Variants in TENT2 observed in about 807,000 individuals in gnomAD.
TENT2 encodes the protein poly(A) RNA polymerase GLD2.
TENT2 carries 44 observed loss-of-function variants against 72.2 expected under a neutral mutation model. That is an observed-to-expected ratio of 0.61 (90% CI 0.48 to 0.78). The LOEUF is 0.78. TENT2 is among the 30% of genes least tolerant of loss of function. The pLI, the probability that TENT2 is intolerant of heterozygous loss-of-function variation, is 0.00. For synonymous variants in TENT2, 212 were observed against 192.5 expected, an observed-to-expected ratio of 1.10 and a Z score of -0.84; for missense variants, 541 against 569.6, an observed-to-expected ratio of 0.95 and a Z score of 0.51.
At chr5:79,665,409 TGA>T (rs1448156394) in intron 11 of TENT2, among the ~76,000 whole-genome samples, 20 of 152,158 alleles carry the variant, frequency 1.3e-4, no homozygotes, top group African/African-American at 4.8e-4. Flanking sequence ...TTTCAGACTT[TGA>T]AGGTAACGTA....
At chr5:79,646,262 T>A (rs1275211503) in intron 8 of TENT2, among the ~76,000 whole-genome samples, 2 of 152,162 alleles carry the variant, frequency 1.3e-5, no homozygotes, top group Non-Finnish European at 2.9e-5. Flanking sequence ...TGAGTTATAG[T>A]ACTCTTGGCC....
At chr5:79,625,163 T>C (rs1307292733) in intron 4 of TENT2, among the ~76,000 whole-genome samples, 1 of 152,240 alleles carries the variant, frequency 6.6e-6, no homozygotes, top group Non-Finnish European at 1.5e-5. Flanking sequence ...ATATTGAGCA[T>C]CTTTTCATTT....
chr5:79,645,042 C>T lies in TENT2; in HGVS notation c.752-81C>T, dbSNP rs185892630. The T allele has an allele frequency of 3.1e-3, 3,386 of 1,092,352 alleles. 11 individuals carry two copies. The highest frequency in any genetic ancestry group is 3.9e-3 in the Non-Finnish European group (3,039 of 778,392). The allele number at this position is 1,092,352 out of a possible 1,614,324, so 67.7% of individuals were successfully genotyped here. ...TTAAATTATTTTAGCTTAGTAAATA[C>T]TATTTTTTAAAAAATGTGCGTTGGA... On this transcript the variant is annotated intron_variant, in intron 7 of 14. Transcript: ENST00000453514.
intron 4 of TENT2, among the ~76,000 whole-genome samples, chr5:79,624,372 T>G (rs1383078745): frequency 1.3e-5 from 2 of 152,244 alleles, no homozygotes; most frequent in Admixed American, 1.3e-4. Context: ...GCTTCATTCC[T>G]TAGTTGTGCT....
chr5:79,681,150 A>ATTTTT (rs1158559796), intron 13 of TENT2, among the ~76,000 whole-genome samples: 5 of 44,754 alleles, frequency 1.1e-4, no homozygotes, highest in Non-Finnish European at 1.7e-4. Context: ...CTTTTCTTTG[A>ATTTTT]TTTTTTTTTT....
chr5:79,613,166 A>G (rs978736995), intron 1 of TENT2, 91 bp downstream of exon 1: 1 of 152,220 alleles, frequency 6.6e-6, no homozygotes, highest in African/African-American at 2.4e-5. Context: ...TTTTCACTTT[A>G]TAGGAAAATG....
chr5:79,616,456 A>G (rs1283465559), intron 1 of TENT2, among the ~76,000 whole-genome samples: 2 of 151,376 alleles, frequency 1.3e-5, no homozygotes, highest in South Asian at 2.1e-4. Flanking sequence ...CGGCCTCCCA[A>G]AGTGCTGGGA....
At chr5:79,638,194 T>C (rs1404739665) in intron 4 of TENT2, among the ~76,000 whole-genome samples, 1 of 152,202 alleles carries the variant, frequency 6.6e-6, no homozygotes, top group Non-Finnish European at 1.5e-5. Context: ...TTTTACCCTC[T>C]GTACTATTGG....
intron 13 of TENT2, among the ~76,000 whole-genome samples, chr5:79,681,117 C>A (rs1163343265): frequency 1.6e-5 from 2 of 126,944 alleles, no homozygotes; most frequent in Non-Finnish European, 3.4e-5. Flanking sequence ...TGCCAAATTT[C>A]TCATGCAAGT....
At chr5:79,616,152 G>T (rs142612244) in intron 1 of TENT2, among the ~76,000 whole-genome samples, 1 of 144,372 alleles carries the variant, frequency 6.9e-6, no homozygotes, top group African/African-American at 2.6e-5. Context: ...CTCCCAGAGT[G>T]TTGGGATTAT....
intron 10 of TENT2, among the ~76,000 whole-genome samples, chr5:79,652,361 C>T (rs1172584760): frequency 6.6e-6 from 1 of 151,448 alleles, no homozygotes; most frequent in East Asian, 1.9e-4. Context: ...ATCATAATAC[C>T]AATTTTATTT....
Position 79,685,444 on chromosome 5 carries a change from A to G in TENT2, c.*171A>G, listed in dbSNP as rs1825749825. 2.2e-6 allele frequency: 1 copy of G among 447,026 alleles called. No homozygotes were observed. Among genetic ancestry groups the G allele is most frequent in the African/African-American group, 2.1e-5 (1 of 48,552 alleles). The allele number at this position is 447,026 out of a possible 1,614,324, so 27.7% of individuals were successfully genotyped here. A position where few individuals can be genotyped will look rare whatever the true frequency, so the allele number is the denominator to read the frequency against. On this transcript the variant is annotated 3_prime_UTR_variant, in exon 15 of 15. Coordinates refer to ENST00000453514, the MANE Select transcript of TENT2 (RefSeq NM_001114394.3). ...TATTTTATTATGACATTTCCTAATAAACCCCTTTGATTTAAAAATGTATTT... is the reference window on the plus strand; with the variant it reads ...TATTTTATTATGACATTTCCTAATAGACCCCTTTGATTTAAAAATGTATTT...
In TENT2 at chr5:79,645,011, G is replaced by A. The variant is rs181019677; in HGVS notation, c.752-112G>A. 1.1e-3 allele frequency: 889 copies of A among 827,912 alleles called. 1 individual carries two copies. Among genetic ancestry groups the A allele is most frequent in the Non-Finnish European group, 1.5e-3 (832 of 555,164 alleles). The allele number at this position is 827,912 out of a possible 1,614,324, so 51.3% of individuals were successfully genotyped here. A position where few individuals can be genotyped will look rare whatever the true frequency, so the allele number is the denominator to read the frequency against. On this transcript the variant is annotated intron_variant, in intron 7 of 14. Coordinates refer to ENST00000453514, the MANE Select transcript of TENT2 (RefSeq NM_001114394.3). The stretch of plus-strand genomic sequence containing the variant: ...CTCACTTGTATTCTTTTTCAAAGAC[G>A]TTTTCTTAAATTATTTTAGCTTAGT...
intron 8 of TENT2, 33 bp from the exon 9 acceptor site, chr5:79,648,584 A>T: frequency 7.1e-7 from 1 of 1,416,878 alleles, no homozygotes; most frequent in Non-Finnish European, 9.6e-7. Flanking sequence ...CTTCAGCTAA[A>T]GTTTATTTAT....
At chr5:79,643,912 C>T (rs188942836) in intron 7 of TENT2, among the ~76,000 whole-genome samples, 84 of 151,836 alleles carry the variant, frequency 5.5e-4, no homozygotes, top group African/African-American at 1.9e-3. Flanking sequence ...GTACTTATTA[C>T]TCAAAACTTT....
At chr5:79,635,972 A>G (rs1779829697) in intron 4 of TENT2, among the ~76,000 whole-genome samples, 2 of 152,202 alleles carry the variant, frequency 1.3e-5, no homozygotes, top group Admixed American at 1.3e-4. Context: ...CCAGATAGTA[A>G]ATATTTAGGC....
chr5:79,648,191 C>T (rs2150118538), intron 8 of TENT2, among the ~76,000 whole-genome samples: 1 of 152,064 alleles, frequency 6.6e-6, no homozygotes, highest in South Asian at 2.1e-4. Flanking sequence ...ACCTATAATA[C>T]TGGTGATTTG....
At chr5:79,613,681 T>G (rs1482599432) in intron 1 of TENT2, among the ~76,000 whole-genome samples, 2 of 152,224 alleles carry the variant, frequency 1.3e-5, no homozygotes, top group Non-Finnish European at 2.9e-5. Flanking sequence ...ATAGGCCGTT[T>G]ATGAGTTGTT....
intron 4 of TENT2, among the ~76,000 whole-genome samples, chr5:79,627,280 T>C (rs1187014724): frequency 2.0e-5 from 3 of 152,210 alleles, no homozygotes; most frequent in African/African-American, 7.2e-5. Context: ...ACTAACTAAC[T>C]GCTAGTTCTG....
Sources: gnomAD v4.1 joint callset for allele counts (sites outside exome capture counted in the v4.1 genomes callset) on GRCh38, gnomAD v4.1.1 for gene constraint, MANE v1.5 for transcripts, NCBI Gene and HGNC (gene_info 2026-07-23, HGNC 2026-07-21) for gene names.